ATG9A: variants seen among roughly 807,000 people sequenced by gnomAD.
ATG9A encodes autophagy-related protein 9A.
ATG9A carries 21 observed loss-of-function variants against 87.1 expected under a neutral mutation model. That is an observed-to-expected ratio of 0.24 (90% CI 0.17 to 0.35). The LOEUF is 0.35. ATG9A is among the 10% of genes least tolerant of loss of function. The pLI is 1.00. For synonymous variants in ATG9A, 422 were observed against 441.3 expected (o/e 0.96, Z 0.55); for missense variants, 836 against 1,107.3 (o/e 0.76, Z 3.48).
Position 219,224,234 on chromosome 2 carries a change from A to G in ATG9A, c.1137T>C (p.Asn379=). ...GGATGGAGCCAGCGAAGAAGGCTCC[A>G]TTCTTGGCCAGCAGTGTCAAAAGAG... The part of the protein sequence containing the change: ...LSPLLTLLAK[N]GAFFAGSILA... The change falls in exon 8 of 16, where the codon AAT becomes AAC. Residue 379 remains asparagine (N), a synonymous_variant. Coordinates refer to ENST00000361242, the MANE Select transcript of ATG9A (RefSeq NM_001077198.3). The surrounding 1 kb of genome is among the most constrained non-coding windows in gnomAD (Gnocchi z 7.7). The G allele has an allele frequency of 6.2e-7, 1 of 1,613,942 alleles. No individual in the cohort carries two copies. Among genetic ancestry groups the G allele is most frequent in the Non-Finnish European group, 8.5e-7 (1 of 1,180,046 alleles).
chr2:219,228,612 A>T (rs1258107490), intron 1 of ATG9A, 127 bp from the exon 2 acceptor site: 2 of 152,556 alleles, frequency 1.3e-5, no homozygotes, highest in African/African-American at 4.8e-5. Context: ...AGTGGGGAAG[A>T]AGCACCCTTC....
Position 219,226,894 on chromosome 2 carries a change from G to A in ATG9A, c.187C>T (p.Leu63Phe), listed in dbSNP as rs1398973825. 1 of 1,613,546 alleles carries A rather than the reference G, an allele frequency of 6.2e-7. No homozygotes were observed. Among genetic ancestry groups the A allele is most frequent in the Non-Finnish European group, 8.5e-7 (1 of 1,179,500 alleles). Residue 63 changes from leucine to phenylalanine, a missense_variant, in exon 5 of 16, where the codon CTC becomes TTC. Transcript: ENST00000361242. ...LHQKNGFTCMLIGEIFELMQF... is the reference protein window; with the variant it reads ...LHQKNGFTCMFIGEIFELMQF... ...ATGAGCTCAAAGATCTCCCCGATGA[G>A]CATACATGTGAAGCCATTCTTCTGG...
At chr2:219,226,278 T>C (rs1355760447) in intron 5 of ATG9A, among the ~76,000 whole-genome samples, 2 of 151,978 alleles carry the variant, frequency 1.3e-5, no homozygotes, top group African/African-American at 4.8e-5. Context: ...ACCCAGCTAA[T>C]TTTTGTATTT....
At position 219,225,193 on chromosome 2, in the gene ATG9A, G is replaced by A; in HGVS notation, c.394C>T (p.Leu132Phe). The A allele has an allele frequency of 6.2e-7, 1 of 1,614,070 alleles. No homozygotes were observed. The highest frequency in any genetic ancestry group is 8.5e-7 in the Non-Finnish European group (1 of 1,179,974). Residue 132 changes from leucine to phenylalanine, a missense_variant, in exon 7 of 16, where the codon CTT becomes TTT. Physicochemically the swap from Leu to Phe is conservative, Grantham distance 22. Transcript: ENST00000361242. ...CSARIQENGS[L>F]ITILVIAGVF... ...CCAGCAATGACCAGGATGGTGATAA[G>A]GGAGCCATTTTCCTGAATCCTGGTG... is the stretch of plus-strand genomic sequence containing the variant.
chr2:219,227,684 C>T (rs1485858038), intron 4 of ATG9A, 86 bp downstream of exon 4: 3 of 1,511,602 alleles, frequency 2.0e-6, no homozygotes, highest in African/African-American at 1.4e-5. Context: ...GTATTAGAGT[C>T]AAACCTACCC....
chr2:219,224,657 C>T lies in ATG9A; in HGVS notation c.714G>A (p.Gly238=), dbSNP rs1339990273. The change falls in exon 8 of 16, where the codon GGG becomes GGA. Residue 238 remains glycine (G), a synonymous_variant. Transcript: ENST00000361242. This position sits in a 1 kb window ranked among gnomAD's most constrained non-coding sequence, Gnocchi z 7.7. ...GACCACGGGTGAAGAAGACAGCTTC[C>T]CCGAGGCCAGGCAGGCGGAAGCGCA... ...LPLRFRLPGL[G]EAVFFTRGLK... 2 of 1,614,210 alleles carry T rather than the reference C, an allele frequency of 1.2e-6. No homozygotes were observed. Among genetic ancestry groups the T allele is most frequent in the Admixed American group, 1.7e-5 (1 of 60,028 alleles).
chr2:219,228,944 C>G (rs1950935053), intron 1 of ATG9A: 1 of 152,186 alleles, frequency 6.6e-6, no homozygotes, highest in Non-Finnish European at 1.5e-5. Flanking sequence ...TGTAGACCCC[C>G]GATCCTAGGT....
chr2:219,220,880 A>C lies in ATG9A; in HGVS notation c.2381T>G (p.Val794Gly), dbSNP rs749288489. The change falls in exon 15 of 16, where the codon GTG becomes GGG. Residue 794 changes from valine to glycine, a missense_variant. This residue lies in a region of ATG9A where 324 missense variants were observed against 347.6 expected (regional missense o/e 0.93). Transcript: ENST00000361242. Reference sequence around the variant, plus strand: ...AGAGAAATGAGAGGGAACCCTGGGCACTGTGCCAGGATCTGGAGAGACAAG... The same window carrying C: ...AGAGAAATGAGAGGGAACCCTGGGCCCTGTGCCAGGATCTGGAGAGACAAG... ...RYGGITDPGT[V>G]PRVPSHFSRL... 7 of 1,613,214 alleles carry C rather than the reference A, an allele frequency of 4.3e-6. No individual in the cohort carries two copies. Among genetic ancestry groups the C allele is most frequent in the East Asian group, 2.2e-5 (1 of 44,872 alleles).
chr2:219,227,111 A>G (rs1950877611), intron 4 of ATG9A, among the ~76,000 whole-genome samples, 178 bp from the exon 5 acceptor site: 1 of 152,238 alleles, frequency 6.6e-6, no homozygotes, highest in Non-Finnish European at 1.5e-5. Context: ...AATAAATAAC[A>G]CTTGTCTCAT....
rs1387487621 is a variant in ATG9A, at chr2:219,228,335, GTCCC to G, written c.-30+95_-30+98del. On this transcript the variant is annotated intron_variant, in intron 2 of 15. Coordinates refer to ENST00000361242, the MANE Select transcript of ATG9A (RefSeq NM_001077198.3). Reference sequence around the variant, plus strand: ...CATCTTCTATTTAACGGACAGAAGAGTCCCTCCCCCGCCCATCCTGGGAACCCTG... The same window carrying G: ...CATCTTCTATTTAACGGACAGAAGAGTCCCCCGCCCATCCTGGGAACCCTG... 2.7e-4 allele frequency: 95 copies of G among 350,822 alleles called. 3 individuals carry two copies. The highest frequency in any genetic ancestry group is 4.7e-5 in the Non-Finnish European group (9 of 191,504). The allele number at this position is 350,822 out of a possible 1,614,324, so 21.7% of individuals were successfully genotyped here. A position where few individuals can be genotyped will look rare whatever the true frequency, so the allele number is the denominator to read the frequency against.
rs370484215 is a variant in ATG9A at position 219,221,145 on chromosome 2, C to T, written c.2303G>A (p.Arg768Gln). The T allele has an allele frequency of 2.1e-5, 34 of 1,610,566 alleles. No individual in the cohort carries two copies. The highest frequency in any genetic ancestry group is 2.7e-5 in the African/African-American group (2 of 74,776). The change falls in exon 14 of 16, where the codon CGG becomes CAG. Residue 768 changes from arginine to glutamine, a missense_variant. Arg to Gln is a conservative substitution (Grantham distance 43). This residue lies in a region of ATG9A where 324 missense variants were observed against 347.6 expected (regional missense o/e 0.93). Transcript: ENST00000361242. ...RSASYPCAAP[R>Q]PGAPETTALH... is the part of the protein sequence containing the mutation. ...GGCAGTGGTCTCAGGAGCTCCAGGC[C>T]GGGGTGCTGCACAGGGATAGCTAGC... is the stretch of plus-strand genomic sequence containing the variant.
intron 13 of ATG9A, among the ~76,000 whole-genome samples, chr2:219,221,637 G>C (rs1388542770): frequency 6.6e-6 from 1 of 152,158 alleles, no homozygotes; most frequent in East Asian, 1.9e-4. Context: ...CCCTTGTGAG[G>C]CTTATATACT....
chr2:219,221,374 T>TA, intron 13 of ATG9A, 72 bp from the exon 14 acceptor site: 1 of 1,387,420 alleles, frequency 7.2e-7, no homozygotes, highest in East Asian at 2.5e-5. Flanking sequence ...TCCAACCTGG[T>TA]ATCAGTCAGT....
chr2:219,224,045 G>A lies in ATG9A; in HGVS notation c.1266-23C>T, dbSNP rs570518317. 1.2e-6 allele frequency: 2 copies of A among 1,606,330 alleles called. No individual in the cohort carries two copies. The highest frequency in any genetic ancestry group is 1.7e-6 in the Non-Finnish European group (2 of 1,175,326). On this transcript the variant is annotated intron_variant, in intron 8 of 15. Coordinates refer to ENST00000361242, the MANE Select transcript of ATG9A (RefSeq NM_001077198.3). The surrounding 1 kb of genome is among the most constrained non-coding windows in gnomAD (Gnocchi z 7.7). ...GACCTAGTGGGATCAGGATCATGGT[G>A]AGATGTATGCCTTTCCCAGGAATGC...
rs773107123 is a variant in ATG9A, at chr2:219,221,063, A to G, written c.2368+17T>C. On this transcript the variant is annotated intron_variant, in intron 14 of 15. Coordinates refer to ENST00000361242, the MANE Select transcript of ATG9A (RefSeq NM_001077198.3). The stretch of plus-strand genomic sequence containing the variant: ...TTCCCTGCAGCCTCTGTTTCCTCCT[A>G]TACCCCCACTGGATACCTGTGATGC... 2 of 1,611,254 alleles carry G rather than the reference A, an allele frequency of 1.2e-6. No individual in the cohort carries two copies. Among genetic ancestry groups the G allele is most frequent in the African/African-American group, 2.7e-5 (2 of 74,770 alleles).
Position 219,224,269 on chromosome 2 carries a change from A to G in ATG9A, c.1102T>C (p.Phe368Leu). 1 of 1,614,032 alleles carries G rather than the reference A, an allele frequency of 6.2e-7. No individual in the cohort carries two copies. Among genetic ancestry groups the G allele is most frequent in the Non-Finnish European group, 8.5e-7 (1 of 1,180,046 alleles). Reference protein sequence around the residue: ...YKPASKYMNCFLSPLLTLLAK... With the variant: ...YKPASKYMNCLLSPLLTLLAK... ...AGCAGTGTCAAAAGAGGTGACAAGA[A>G]GCAATTCATGTACTTGGAGGCGGGC... The change falls in exon 8 of 16, where the codon TTC becomes CTC. Residue 368 changes from phenylalanine to leucine, a missense_variant. This residue lies in a region of ATG9A where 512 missense variants were observed against 759.6 expected (regional missense o/e 0.67). Transcript: ENST00000361242. The surrounding 1 kb of genome is among the most constrained non-coding windows in gnomAD (Gnocchi z 7.7).
Position 219,224,089 on chromosome 2 carries a change from C to G in ATG9A, c.1265+17G>C, listed in dbSNP as rs1378093410. ...GGAATGCTAGCCGGCTTGCTCCCGC[C>G]TGTGGCCCTGGCCCACCTGCACACG... On this transcript the variant is annotated intron_variant, in intron 8 of 15. Coordinates refer to ENST00000361242, the MANE Select transcript of ATG9A (RefSeq NM_001077198.3). The surrounding 1 kb of genome is among the most constrained non-coding windows in gnomAD (Gnocchi z 7.7). The G allele has an allele frequency of 6.2e-7, 1 of 1,610,312 alleles. No homozygotes were observed. Among genetic ancestry groups the G allele is most frequent in the Non-Finnish European group, 8.5e-7 (1 of 1,177,468 alleles).
Position 219,224,982 on chromosome 2 carries a change from C to A in ATG9A, c.516+89G>T. 6.3e-7 allele frequency: 1 copy of A among 1,584,096 alleles called. No individual in the cohort carries two copies. The highest frequency in any genetic ancestry group is 1.1e-5 in the South Asian group (1 of 89,348). ...GAGACAGTTCCTGATTTGTCAATGACAGATAAGGATAACTGATGCCCAGGA... is the reference window on the plus strand; with the variant it reads ...GAGACAGTTCCTGATTTGTCAATGAAAGATAAGGATAACTGATGCCCAGGA... On this transcript the variant is annotated intron_variant, in intron 7 of 15. Coordinates refer to ENST00000361242, the MANE Select transcript of ATG9A (RefSeq NM_001077198.3). The surrounding 1 kb of genome is among the most constrained non-coding windows in gnomAD (Gnocchi z 7.7).
intron 13 of ATG9A, among the ~76,000 whole-genome samples, chr2:219,221,595 A>C (rs1304898489): frequency 1.3e-5 from 2 of 152,148 alleles, no homozygotes; most frequent in African/African-American, 2.4e-5. Flanking sequence ...GTGTGGGGAG[A>C]TAGCAGTGAA....
Sources: allele counts gnomAD v4.1 joint callset (sites outside exome capture counted in the v4.1 genomes callset), GRCh38; gene constraint gnomAD v4.1.1; regional missense constraint gnomAD v4.1.1; non-coding constraint Gnocchi (gnomAD v3.1); transcripts MANE v1.5; gene names NCBI Gene and HGNC (gene_info 2026-07-23, HGNC 2026-07-21).